Variants in RRP7A observed in about 807,000 individuals in gnomAD.
The protein encoded by RRP7A is ribosomal RNA-processing protein 7 homolog A.
RRP7A carries 27 observed loss-of-function variants against 38.4 expected under a neutral mutation model. That is an observed-to-expected ratio of 0.70 (90% CI 0.52 to 0.97). RRP7A has a LOEUF of 0.97. Among genes scored for constraint, RRP7A ranks in the 50% least tolerant of loss-of-function variants. The pLI is 0.00. For synonymous variants in RRP7A, 124 were observed against 150.3 expected (o/e 0.83, Z 1.28); for missense variants, 327 against 375.4 (o/e 0.87, Z 1.07).
rs1252913499 is a variant in RRP7A at position 42,514,755 on chromosome 22, G to A, written c.485C>T (p.Ser162Phe). The change falls in exon 5 of 7, where the codon TCT becomes TTT. Residue 162 changes from serine to phenylalanine, a missense_variant. This residue lies in a region of RRP7A where 46 missense variants were observed against 93.0 expected (regional missense o/e 0.49). Coordinates refer to ENST00000323013, the MANE Select transcript of RRP7A (RefSeq NM_015703.5). Reference sequence around the variant, plus strand: ...CCTCAGGGCCTCAGGGTCGGGCACAGAGTCTGCGTAGTCACTGATCCACTC... The same window carrying A: ...CCTCAGGGCCTCAGGGTCGGGCACAAAGTCTGCGTAGTCACTGATCCACTC... ...IHKWISDYADSVPDPEALRVE... is the reference protein window; with the variant it reads ...IHKWISDYADFVPDPEALRVE... 2.0e-5 allele frequency: 32 copies of A among 1,611,216 alleles called. No homozygotes were observed. Among genetic ancestry groups the A allele is most frequent in the Non-Finnish European group, 2.5e-5 (30 of 1,178,682 alleles).
In RRP7A at chr22:42,512,647, G is replaced by A. The variant is rs1569259323; in HGVS notation, c.*263C>T. On this transcript the variant is annotated 3_prime_UTR_variant, in exon 7 of 7. Coordinates refer to ENST00000323013, the MANE Select transcript of RRP7A (RefSeq NM_015703.5). ...GAACGGATTCATCCAGGGTCCTGGA[G>A]AGGAGGGTGTGGAGGCAAGAAGCAG... 1.7e-6 allele frequency: 1 copy of A among 589,728 alleles called. No individual in the cohort carries two copies. Among genetic ancestry groups the A allele is most frequent in the South Asian group, 2.0e-5 (1 of 50,544 alleles). The allele number at this position is 589,728 out of a possible 1,614,324, so 36.5% of individuals were successfully genotyped here.
rs1932501848 is a variant in RRP7A at position 42,512,588 on chromosome 22, C to T, written c.*322G>A. 1.8e-6 allele frequency: 1 copy of T among 545,696 alleles called. No individual in the cohort carries two copies. The allele number at this position is 545,696 out of a possible 1,614,324, so 33.8% of individuals were successfully genotyped here. A position where few individuals can be genotyped will look rare whatever the true frequency, so the allele number is the denominator to read the frequency against. ...GCTTTTGAGGCTTTTTCGTTGCCAG[C>T]AAGGGCTTTTGCATTGAGGGAAAAG... On this transcript the variant is annotated 3_prime_UTR_variant, in exon 7 of 7. Transcript: ENST00000323013.
In RRP7A at chr22:42,509,898, G is replaced by A. The variant is rs1441190529; in HGVS notation, c.*3012C>T. 1.4e-5 allele frequency: 2 copies of A among 140,820 alleles called. No homozygotes were observed. Among genetic ancestry groups the A allele is most frequent in the Non-Finnish European group, 3.0e-5 (2 of 66,798 alleles). 8.7% of individuals were successfully genotyped at this position (140,820 alleles called of 1,614,324 possible). Reference sequence around the variant, plus strand: ...TCAGAGGTTTGCGATTTCTTTGGGGGTGATGAAAATGTAATTGTGACGATG... The same window carrying A: ...TCAGAGGTTTGCGATTTCTTTGGGGATGATGAAAATGTAATTGTGACGATG... On this transcript the variant is annotated 3_prime_UTR_variant, in exon 7 of 7. Transcript: ENST00000323013.
chr22:42,517,971 C>A, intron 2 of RRP7A, 34 bp downstream of exon 2: 8 of 1,604,470 alleles, frequency 5.0e-6, no homozygotes, highest in Non-Finnish European at 6.8e-6. Flanking sequence ...CACCTTGAGC[C>A]CACAGGTCTC....
chr22:42,513,253 C>A (rs1920922621), intron 6 of RRP7A, among the ~76,000 whole-genome samples: 1 of 141,436 alleles, frequency 7.1e-6, no homozygotes, highest in Non-Finnish European at 1.6e-5. Context: ...GCCCTAGCGA[C>A]AAAGCAAAGG....
chr22:42,518,734 T>C (rs1376270786), intron 1 of RRP7A: 1 of 470,974 alleles, frequency 2.1e-6, no homozygotes, highest in African/African-American at 2.0e-5. Flanking sequence ...GGAGGCTATA[T>C]TGATGAGATT....
chr22:42,519,734 G>C lies in RRP7A; in HGVS notation c.53C>G (p.Pro18Arg). 6.8e-7 allele frequency: 1 copy of C among 1,463,384 alleles called. No individual in the cohort carries two copies. Among genetic ancestry groups the C allele is most frequent in the Non-Finnish European group, 9.0e-7 (1 of 1,110,316 alleles). The allele number at this position is 1,463,384 out of a possible 1,614,324, so 90.6% of individuals were successfully genotyped here. The change falls in exon 1 of 7, where the codon CCC becomes CGC. Residue 18 changes from proline (P) to arginine (R), a missense_variant. Physicochemically the swap from Pro to Arg is moderately radical, Grantham distance 103 (BLOSUM62 -2). Around this residue, in one of 5 missense-constraint regions of RRP7A, gnomAD observed 183 missense variants for 141.8 expected, o/e 1.29. Coordinates refer to ENST00000323013, the MANE Select transcript of RRP7A (RefSeq NM_015703.5). ...CTCACCTGCGTAGCCCAGTGGGCTG[G>C]GGATACGGTCCTCCGGGTCCCGCGC... ...CAARDPEDRI[P>R]SPLGYAAIPI...
intron 2 of RRP7A, chr22:42,516,494 G>A: frequency 2.7e-6 from 1 of 375,708 alleles, no homozygotes; most frequent in South Asian, 2.0e-5. Flanking sequence ...TGTATTTTGA[G>A]AAGAGACAGG....
At chr22:42,518,211 C>G in intron 1 of RRP7A, 64 bp from the exon 2 acceptor site, 1 of 1,355,064 alleles carries the variant, frequency 7.4e-7, no homozygotes, top group South Asian at 1.2e-5. Context: ...GCGAGACACT[C>G]ACACAACTTC....
At chr22:42,519,603 G>C in intron 1 of RRP7A, 111 bp downstream of exon 1, 1 of 941,448 alleles carries the variant, frequency 1.1e-6, no homozygotes, top group South Asian at 2.2e-5. Context: ...GGCCACCGGG[G>C]CTCACACCCA....
intron 2 of RRP7A, among the ~76,000 whole-genome samples, chr22:42,517,172 G>T (rs143312485): frequency 2.6e-5 from 4 of 151,990 alleles, no homozygotes; most frequent in Admixed American, 1.3e-4. Flanking sequence ...CAGCTGCTTG[G>T]GAGGCTGCGG....
rs1451072054 is a variant in RRP7A, at chr22:42,512,037, G to A, written c.*873C>T. The A allele has an allele frequency of 6.2e-6, 6 of 974,800 alleles. No homozygotes were observed. The highest frequency in any genetic ancestry group is 4.9e-6 in the Non-Finnish European group (3 of 612,138). 60.4% of individuals were successfully genotyped at this position (974,800 alleles called of 1,614,324 possible). A position where few individuals can be genotyped will look rare whatever the true frequency, so the allele number is the denominator to read the frequency against. Reference sequence around the variant, plus strand: ...ACCTGCAGGGAGCTGGAATGCTGTGGGAGGGCCCTGACCCCGGGGCCCATG... The same window carrying A: ...ACCTGCAGGGAGCTGGAATGCTGTGAGAGGGCCCTGACCCCGGGGCCCATG... On this transcript the variant is annotated 3_prime_UTR_variant, in exon 7 of 7. Transcript: ENST00000323013.
At position 42,510,883 on chromosome 22, in the gene RRP7A, C is replaced by A; in HGVS notation, c.*2027G>T. ...CAGGCCTCATGCTCCAGTGATCAGTCCCTAGAGGCCTGGGGACACATGTAA... is the reference window on the plus strand; with the variant it reads ...CAGGCCTCATGCTCCAGTGATCAGTACCTAGAGGCCTGGGGACACATGTAA... On this transcript the variant is annotated 3_prime_UTR_variant, in exon 7 of 7. Transcript: ENST00000323013. 1.2e-6 allele frequency: 1 copy of A among 813,976 alleles called. No individual in the cohort carries two copies. The highest frequency in any genetic ancestry group is 1.6e-6 in the Non-Finnish European group (1 of 628,838). 50.4% of individuals were successfully genotyped at this position (813,976 alleles called of 1,614,324 possible). A position where few individuals can be genotyped will look rare whatever the true frequency, so the allele number is the denominator to read the frequency against.
At chr22:42,519,530 G>A (rs1378990964) in intron 1 of RRP7A, among the ~76,000 whole-genome samples, 184 bp downstream of exon 1, 1 of 152,134 alleles carries the variant, frequency 6.6e-6, no homozygotes, top group African/African-American at 2.4e-5. Flanking sequence ...TGAGCAGGCA[G>A]AAGGGCGCCG....
At chr22:42,516,316 T>C (rs1322533975) in intron 2 of RRP7A, 180 bp from the exon 3 acceptor site, 3 of 780,612 alleles carry the variant, frequency 3.8e-6, no homozygotes, top group East Asian at 3.0e-5. Flanking sequence ...AGGGACAATA[T>C]GGAGGTTGAT....
intron 2 of RRP7A, among the ~76,000 whole-genome samples, chr22:42,516,608 C>T (rs1243810927): frequency 1.3e-5 from 2 of 152,210 alleles, no homozygotes; most frequent in African/African-American, 4.8e-5. Context: ...CCACTGTGCC[C>T]GGCATATTCC....
At position 42,510,824 on chromosome 22, in the gene RRP7A, C is replaced by T. The variant is rs1257071445; in HGVS notation, c.*2086G>A. 14 of 1,248,788 alleles carry T rather than the reference C, an allele frequency of 1.1e-5. No homozygotes were observed. Among genetic ancestry groups the T allele is most frequent in the African/African-American group, 1.6e-5 (1 of 64,002 alleles). The allele number at this position is 1,248,788 out of a possible 1,614,324, so 77.4% of individuals were successfully genotyped here. On this transcript the variant is annotated 3_prime_UTR_variant, in exon 7 of 7. Coordinates refer to ENST00000323013, the MANE Select transcript of RRP7A (RefSeq NM_015703.5). ...TGCACTGGGAAAGACCCCTGGTCTG[C>T]CCCCAGGCCCAACAAGTGACCACCA...
In RRP7A at chr22:42,508,553, G is replaced by GCCATCAC. The variant is rs1291012368; in HGVS notation, c.*4350_*4356dup. Among the ~76,000 whole-genome samples the GCCATCAC allele has an allele frequency of 6.6e-6, 1 of 152,142 alleles. No individual in the cohort carries two copies. The highest frequency in any genetic ancestry group is 6.5e-5 in the Admixed American group (1 of 15,272). On this transcript the variant is annotated 3_prime_UTR_variant, in exon 7 of 7. Transcript: ENST00000323013. ...AGGGCCGCGGAGGAGGCTGGCTGGG[G>GCCATCAC]CCATCACGGAGTGCCCATCCTGCAC... is the stretch of plus-strand genomic sequence containing the variant.
chr22:42,512,563 G>A lies in RRP7A; in HGVS notation c.*347C>T. 5.6e-6 allele frequency: 3 copies of A among 539,528 alleles called. No homozygotes were observed. The highest frequency in any genetic ancestry group is 1.0e-5 in the Non-Finnish European group (3 of 300,566). 33.4% of individuals were successfully genotyped at this position (539,528 alleles called of 1,614,324 possible). A position where few individuals can be genotyped will look rare whatever the true frequency, so the allele number is the denominator to read the frequency against. ...AATAAAAGGTTCTTGTATTCTCACT[G>A]CTTTTGAGGCTTTTTCGTTGCCAGC... On this transcript the variant is annotated 3_prime_UTR_variant, in exon 7 of 7. Transcript: ENST00000323013.
Sources: allele counts gnomAD v4.1 joint callset (sites outside exome capture counted in the v4.1 genomes callset), GRCh38; gene constraint gnomAD v4.1.1; regional missense constraint gnomAD v4.1.1; transcripts MANE v1.5; gene names NCBI Gene and HGNC (gene_info 2026-07-23, HGNC 2026-07-21).